Variants in MIDEAS observed in about 807,000 individuals in gnomAD.
MIDEAS encodes mitotic deacetylase-associated SANT domain protein.
A neutral mutation model predicts 102.7 loss-of-function variants in MIDEAS; 26 were observed. The ratio of observed to expected loss-of-function variants is 0.25; its 90% CI spans 0.19 to 0.35. The LOEUF (loss-of-function observed/expected upper bound fraction) is 0.35. Among genes scored for constraint, MIDEAS ranks in the 10% least tolerant of loss-of-function variants. MIDEAS has a pLI of 1.00. For missense variants in MIDEAS, 1,231 were observed against 1,435.6 expected (o/e 0.86, Z 2.30); for synonymous variants, 585 against 591.0 (o/e 0.99, Z 0.15).
chr14:73,783,808 T>G (rs1277025355), intron 1 of MIDEAS, among the ~76,000 whole-genome samples: 1 of 152,220 alleles, frequency 6.6e-6, no homozygotes, highest in Admixed American at 6.5e-5. Flanking sequence ...AGGACAGAAC[T>G]GCCAGCCGTG....
intron 1 of MIDEAS, among the ~76,000 whole-genome samples, chr14:73,779,553 TG>T (rs2053728410): frequency 7.3e-6 from 1 of 137,748 alleles, no homozygotes; most frequent in African/African-American, 2.8e-5. Context: ...TTTTTTAATT[TG>T]TTTATTATTA....
intron 10 of MIDEAS, among the ~76,000 whole-genome samples, chr14:73,722,180 GT>G (rs1419014566): frequency 1.3e-5 from 2 of 152,224 alleles, no homozygotes; most frequent in East Asian, 3.9e-4. Flanking sequence ...AGTAATACTG[GT>G]TTTCACATAT....
chr14:73,715,346 CTT>C lies in MIDEAS; in HGVS notation c.*3495_*3496del, dbSNP rs2052868699. 1.3e-5 allele frequency: 2 copies of C among 152,726 alleles called. No homozygotes were observed. The highest frequency in any genetic ancestry group is 2.1e-4 in the South Asian group (1 of 4,826). The allele number at this position is 152,726 out of a possible 1,614,324, so 9.5% of individuals were successfully genotyped here. The stretch of plus-strand genomic sequence containing the variant: ...GTACACTATTTTAATATGTAACAGT[CTT>C]TTTAAAAAAGGATGCCACAGGCAGC... On this transcript the variant is annotated 3_prime_UTR_variant, in exon 13 of 13. Coordinates refer to ENST00000423556, the MANE Select transcript of MIDEAS (RefSeq NM_001367710.1).
upstream of MIDEAS, among the ~76,000 whole-genome samples, chr14:73,764,209 G>A (rs972614622): frequency 6.6e-6 from 1 of 151,742 alleles, no homozygotes; most frequent in African/African-American, 2.4e-5. Context: ...GTGTGATGGC[G>A]CACGTCTGTA....
Position 73,722,766 on chromosome 14 carries a change from G to A in MIDEAS, c.2656C>T (p.Leu886=), listed in dbSNP as rs1566582554. The A allele has an allele frequency of 6.2e-7, 1 of 1,614,206 alleles. No homozygotes were observed. The highest frequency in any genetic ancestry group is 1.7e-5 in the Admixed American group (1 of 60,032). ...KQVKIGRNGT[L]TFGDVDTSDE... is the part of the protein sequence containing the mutation. ...CTCGTATCCACATCCCCAAAGGTTAGAGTCCCATTGCGGCCGATTTTCACC... is the reference window on the plus strand; with the variant it reads ...CTCGTATCCACATCCCCAAAGGTTAAAGTCCCATTGCGGCCGATTTTCACC... Residue 886 remains leucine (L), a synonymous_variant, in exon 10 of 13, where the codon CTA becomes TTA. Coordinates refer to ENST00000423556, the MANE Select transcript of MIDEAS (RefSeq NM_001367710.1).
intron 9 of MIDEAS, chr14:73,724,502 T>C (rs1326761286): frequency 6.6e-6 from 1 of 152,234 alleles, no homozygotes; most frequent in Non-Finnish European, 1.5e-5. Flanking sequence ...CCGTCAGTAT[T>C]GCCCAATCAG....
At chr14:73,789,062 G>A (rs1463211260), upstream of MIDEAS, 1 of 152,168 alleles carries the variant, frequency 6.6e-6, no homozygotes, top group African/African-American at 2.4e-5. Context: ...ACCAAGTGGA[G>A]GATGTGGTAG....
intron 4 of MIDEAS, 51 bp downstream of exon 4, chr14:73,729,589 C>G: frequency 6.8e-7 from 1 of 1,469,584 alleles, no homozygotes; most frequent in Non-Finnish European, 9.3e-7. Flanking sequence ...TGCCTCCCTG[C>G]CCAGTGCCCC....
At chr14:73,733,939 C>G (rs151017559) in intron 3 of MIDEAS, among the ~76,000 whole-genome samples, 1 of 151,544 alleles carries the variant, frequency 6.6e-6, no homozygotes, top group Non-Finnish European at 1.5e-5. Flanking sequence ...GTGATCCACC[C>G]GCCTTGGCCT....
At chr14:73,783,867 T>A (rs1456193887) in intron 1 of MIDEAS, among the ~76,000 whole-genome samples, 1 of 152,164 alleles carries the variant, frequency 6.6e-6, no homozygotes, top group Non-Finnish European at 1.5e-5. Context: ...ATGCCCTCTT[T>A]AGCTGGGGGT....
At position 73,743,579 on chromosome 14, in the gene MIDEAS, T is replaced by C. The variant is rs1161234487; in HGVS notation, c.-247-3324A>G. Among the ~76,000 whole-genome samples, 4 of 152,054 alleles carry C rather than the reference T, an allele frequency of 2.6e-5. No homozygotes were observed. In the East Asian group the frequency reaches 5.8e-4, roughly 22 times the overall value. On this transcript the variant is annotated intron_variant, in intron 1 of 12. Transcript: ENST00000423556. ...GTCAGGACTGCGCCACTTCCTCTCA[T>C]TTCTTCTACCCCACCCCCGCTGCCC...
At chr14:73,778,916 C>T (rs963975088) in intron 1 of MIDEAS, among the ~76,000 whole-genome samples, 1 of 151,954 alleles carries the variant, frequency 6.6e-6, no homozygotes, top group East Asian at 1.9e-4. Flanking sequence ...CTTACAGCAC[C>T]CATGACCTTC....
chr14:73,762,439 A>G (rs1243827625), upstream of MIDEAS, among the ~76,000 whole-genome samples: 1 of 152,224 alleles, frequency 6.6e-6, no homozygotes, highest in Admixed American at 6.5e-5. Context: ...CACTACAGCT[A>G]AACTTCCAAA....
chr14:73,779,826 C>T (rs1002365832), intron 1 of MIDEAS, among the ~76,000 whole-genome samples: 3 of 148,718 alleles, frequency 2.0e-5, no homozygotes, highest in African/African-American at 7.4e-5. Flanking sequence ...ATCCACCCGC[C>T]TCGGCCTTCC....
At chr14:73,727,737 C>T in intron 4 of MIDEAS, 2 of 539,860 alleles carry the variant, frequency 3.7e-6, no homozygotes, top group Non-Finnish European at 6.5e-6. Flanking sequence ...TTCACACTCA[C>T]CAAAAGGGGC....
In MIDEAS at chr14:73,715,284, TCA is replaced by T. The variant is rs2052867442; in HGVS notation, c.*3557_*3558del. Reference sequence around the variant, plus strand: ...CAAAAAATAAAATCTTCAGTCTCTATCACAACTGTACAGCAAAAGAGGTAATA... The same window carrying T: ...CAAAAAATAAAATCTTCAGTCTCTATCAACTGTACAGCAAAAGAGGTAATA... On this transcript the variant is annotated 3_prime_UTR_variant, in exon 13 of 13. Transcript: ENST00000423556. 6.6e-6 allele frequency: 1 copy of T among 152,618 alleles called. No homozygotes were observed. Among genetic ancestry groups the T allele is most frequent in the African/African-American group, 2.4e-5 (1 of 41,436 alleles). The allele number at this position is 152,618 out of a possible 1,614,324, so 9.5% of individuals were successfully genotyped here.
chr14:73,787,289 G>A (rs1321159219), upstream of MIDEAS: 3 of 148,582 alleles, frequency 2.0e-5, no homozygotes, highest in Non-Finnish European at 3.0e-5. Context: ...GGGCCCTGCA[G>A]CCAGCCGCCC....
At chr14:73,747,636 C>A (rs996678554) in intron 1 of MIDEAS, among the ~76,000 whole-genome samples, 5 of 150,996 alleles carry the variant, frequency 3.3e-5, no homozygotes, top group Non-Finnish European at 7.4e-5. Context: ...GGTTCTTAAA[C>A]CTCAGTGTGT....
intron 2 of MIDEAS, among the ~76,000 whole-genome samples, chr14:73,737,773 C>CTTTTT (rs5809628): frequency 1.1e-5 from 1 of 89,204 alleles, no homozygotes; most frequent in Non-Finnish European, 2.4e-5. Context: ...TCTCCGACCA[C>CTTTTT]TTTTTTTTTT....
Sources: gnomAD v4.1 joint callset for allele counts (sites outside exome capture counted in the v4.1 genomes callset) on GRCh38, gnomAD v4.1.1 for gene constraint, MANE v1.5 for transcripts, NCBI Gene and HGNC (gene_info 2026-07-23, HGNC 2026-07-21) for gene names.